The following ZNF763 variants were observed in gnomAD, a reference collection of about 807,000 sequenced individuals.
ZNF763 encodes the protein DNA-binding protein.
Under a neutral mutation model 38.0 loss-of-function variants are expected in ZNF763, and 33 were observed. The observed-to-expected ratio is 0.87, with a 90% CI of 0.66 to 1.16. The LOEUF (loss-of-function observed/expected upper bound fraction) is 1.16, where lower values mean the gene tolerates loss of function less well. Among genes scored for constraint, ZNF763 ranks in the 50% most tolerant of loss-of-function variants. ZNF763 has a pLI of 0.00. For synonymous variants in ZNF763, 155 were observed against 160.1 expected (o/e 0.97, Z 0.24); for missense variants, 423 against 469.1 (o/e 0.90, Z 0.91).
At chr19:11,968,565 G>C (rs1328914506) in intron 1 of ZNF763, among the ~76,000 whole-genome samples, 1 of 152,176 alleles carries the variant, frequency 6.6e-6, no homozygotes, top group Non-Finnish European at 1.5e-5. Flanking sequence ...GTAGTGGTTT[G>C]CTTTTTTCCC....
In ZNF763 at chr19:11,977,375, A is replaced by T; in HGVS notation, c.135A>T (p.Lys45Asn). The T allele has an allele frequency of 6.2e-7, 1 of 1,613,850 alleles. No individual in the cohort carries two copies. Among genetic ancestry groups the T allele is most frequent in the Non-Finnish European group, 8.5e-7 (1 of 1,179,888 alleles). ...TTTTCTGTGTCTGTATTTTAGGGAA[A>T]AAGTGGAAAGACCAGAACATTGAAT... ...ETFRNLTSIGKKWKDQNIEYE... is the reference protein window; with the variant it reads ...ETFRNLTSIGNKWKDQNIEYE... Residue 45 changes from lysine (K) to asparagine (N), a missense_variant, in exon 3 of 4, where the codon AAA becomes AAT. Lys to Asn is a moderately conservative substitution (Grantham distance 94, BLOSUM62 0). Coordinates refer to ENST00000358987, the MANE Select transcript of ZNF763 (RefSeq NM_001367172.2).
rs1317797863 is a variant in ZNF763 at position 11,965,060 on chromosome 19, G to C, written c.-149G>C. 1 of 975,276 alleles carries C rather than the reference G, an allele frequency of 1.0e-6. No individual in the cohort carries two copies. The highest frequency in any genetic ancestry group is 1.6e-6 in the Non-Finnish European group (1 of 633,978). The allele number at this position is 975,276 out of a possible 1,614,324, so 60.4% of individuals were successfully genotyped here. On this transcript the variant is annotated 5_prime_UTR_variant, in exon 1 of 4. Coordinates refer to ENST00000358987, the MANE Select transcript of ZNF763 (RefSeq NM_001367172.2). ...CATTCCTGTCCTCACCTTTGTCCTT[G>C]CGCAGCCGGTGGTTGATATCCGCTG...
intron 1 of ZNF763, among the ~76,000 whole-genome samples, chr19:11,965,730 T>C (rs552904569): frequency 1.3e-5 from 2 of 152,206 alleles, no homozygotes; most frequent in Non-Finnish European, 2.9e-5. Context: ...AAATAAAGTT[T>C]ATTCGTAGCC....
chr19:11,978,219 G>A lies in ZNF763; in HGVS notation c.295G>A (p.Ala99Thr). The A allele has an allele frequency of 1.2e-6, 2 of 1,614,030 alleles. No homozygotes were observed. Among genetic ancestry groups the A allele is most frequent in the African/African-American group, 1.3e-5 (1 of 75,034 alleles). The change falls in exon 4 of 4, where the codon GCT becomes ACT. Residue 99 changes from alanine to threonine, a missense_variant. Physicochemically the swap from Ala to Thr is moderately conservative, Grantham distance 58. Transcript: ENST00000358987. Reference sequence around the variant, plus strand: ...CAGGCTGAACTTCCAGGAGAAGAAAGCTTCTCCTGAAGCAAAATCATGTGA... The same window carrying A: ...CAGGCTGAACTTCCAGGAGAAGAAAACTTCTCCTGAAGCAAAATCATGTGA... ...DDRLNFQEKKASPEAKSCDNF... is the reference protein window; with the variant it reads ...DDRLNFQEKKTSPEAKSCDNF...
At position 11,978,744 on chromosome 19, in the gene ZNF763, C is replaced by T. The variant is rs768536345; in HGVS notation, c.820C>T (p.His274Tyr). ...CCATAGTTCCAGTTCTTTTCAAGCA[C>T]ATAAAAGAACCCACACTGGGGGAAA... ...AFHSSSSFQA[H>Y]KRTHTGGKPY... The change falls in exon 4 of 4, where the codon CAT becomes TAT. Residue 274 changes from histidine (H) to tyrosine (Y), a missense_variant. Coordinates refer to ENST00000358987, the MANE Select transcript of ZNF763 (RefSeq NM_001367172.2). 1.2e-6 allele frequency: 2 copies of T among 1,613,906 alleles called. No individual in the cohort carries two copies. The highest frequency in any genetic ancestry group is 2.2e-5 in the East Asian group (1 of 44,872).
chr19:11,969,867 G>A (rs1394494824), intron 1 of ZNF763, among the ~76,000 whole-genome samples: 2 of 152,126 alleles, frequency 1.3e-5, no homozygotes, highest in Non-Finnish European at 2.9e-5. Flanking sequence ...TTTGGGATGA[G>A]GTTCCTTTCT....
rs746317270 is a variant in ZNF763 at position 11,978,418 on chromosome 19, A to G, written c.494A>G (p.Asn165Ser). The change falls in exon 4 of 4, where the codon AAT (asparagine) becomes AGT (serine). Residue 165 changes from asparagine (N) to serine (S), a missense_variant. Asn to Ser is a conservative substitution (Grantham distance 46, BLOSUM62 1). Coordinates refer to ENST00000358987, the MANE Select transcript of ZNF763 (RefSeq NM_001367172.2). The part of the protein sequence containing the change: ...YHPSFRTQER[N>S]HTGEKPYACK... Reference sequence around the variant, plus strand: ...CCCTCCTTTAGAACACAAGAAAGGAATCACACCGGAGAGAAACCCTATGCT... The same window carrying G: ...CCCTCCTTTAGAACACAAGAAAGGAGTCACACCGGAGAGAAACCCTATGCT... 62 of 1,614,110 alleles carry G rather than the reference A, an allele frequency of 3.8e-5. No homozygotes were observed. The highest frequency in any genetic ancestry group is 5.0e-5 in the Non-Finnish European group (59 of 1,180,034).
chr19:11,965,947 A>C (rs996088857), intron 1 of ZNF763, among the ~76,000 whole-genome samples: 1 of 152,112 alleles, frequency 6.6e-6, no homozygotes, highest in Non-Finnish European at 1.5e-5. Flanking sequence ...CAGGTGGTTG[A>C]GGGATTCTGT....
At chr19:11,974,151 TTTCTTTCCTTCC>T (rs1973430411) in intron 1 of ZNF763, among the ~76,000 whole-genome samples, 4 of 120,260 alleles carry the variant, frequency 3.3e-5, no homozygotes, top group Admixed American at 8.3e-5. Flanking sequence ...TCTTTCTTTC[TTTCTTTCCTTCC>T]TTCCTTCCTT....
chr19:11,975,109 TC>T (rs942484308), intron 1 of ZNF763, among the ~76,000 whole-genome samples: 18 of 152,046 alleles, frequency 1.2e-4, no homozygotes, highest in African/African-American at 3.6e-4. Flanking sequence ...TTTTTTTTTT[TC>T]TCGTTGAGAC....
chr19:11,977,223 G>C, intron 2 of ZNF763, 59 bp downstream of exon 2: 6 of 1,603,236 alleles, frequency 3.7e-6, no homozygotes, highest in Non-Finnish European at 8.5e-7. Flanking sequence ...TCTAGCTCAT[G>C]AATGCTGTTG....
intron 1 of ZNF763, among the ~76,000 whole-genome samples, chr19:11,969,166 G>C (rs1005699767): frequency 6.6e-6 from 1 of 152,182 alleles, no homozygotes; most frequent in East Asian, 1.9e-4. Flanking sequence ...GTGCAGCGGC[G>C]TGATCTCAGC....
At chr19:11,972,521 G>C (rs1973373261) in intron 1 of ZNF763, among the ~76,000 whole-genome samples, 1 of 152,060 alleles carries the variant, frequency 6.6e-6, no homozygotes, top group Admixed American at 6.6e-5. Context: ...TTGGGAATAA[G>C]ATAATTGCCT....
intron 1 of ZNF763, among the ~76,000 whole-genome samples, chr19:11,969,279 A>G (rs1265438778): frequency 1.3e-5 from 2 of 151,926 alleles, no homozygotes; most frequent in African/African-American, 4.8e-5. Flanking sequence ...TAATTTTTCT[A>G]TTTTTAGTAA....
intron 1 of ZNF763, among the ~76,000 whole-genome samples, chr19:11,971,158 A>G (rs1348599303): frequency 6.6e-6 from 1 of 152,152 alleles, no homozygotes; most frequent in Admixed American, 6.6e-5. Context: ...TTTGTTTCTG[A>G]CAGTTCTTGA....
At chr19:11,974,847 C>T (rs2145338517) in intron 1 of ZNF763, among the ~76,000 whole-genome samples, 1 of 152,328 alleles carries the variant, frequency 6.6e-6, no homozygotes, top group South Asian at 2.1e-4. Context: ...AAGTGATACG[C>T]CTGCCTTGGC....
intron 1 of ZNF763, 73 bp downstream of exon 1, chr19:11,965,284 G>A: frequency 6.2e-7 from 1 of 1,604,982 alleles, no homozygotes; most frequent in South Asian, 1.1e-5. Context: ...GGCTGCGGCG[G>A]GACCCGGGCC....
intron 1 of ZNF763, among the ~76,000 whole-genome samples, chr19:11,971,936 C>T (rs1440649703): frequency 6.6e-6 from 1 of 151,940 alleles, no homozygotes; most frequent in Non-Finnish European, 1.5e-5. Context: ...GTGGCAGAGG[C>T]CTGTAATCCC....
Position 11,978,418 on chromosome 19 carries a change from A to T in ZNF763, c.494A>T (p.Asn165Ile). ...CCCTCCTTTAGAACACAAGAAAGGAATCACACCGGAGAGAAACCCTATGCT... is the reference window on the plus strand; with the variant it reads ...CCCTCCTTTAGAACACAAGAAAGGATTCACACCGGAGAGAAACCCTATGCT... ...YHPSFRTQER[N>I]HTGEKPYACK... The change falls in exon 4 of 4, where the codon AAT becomes ATT. Residue 165 changes from asparagine (N) to isoleucine (I), a missense_variant. Physicochemically the swap from Asn to Ile is moderately radical, Grantham distance 149. Coordinates refer to ENST00000358987, the MANE Select transcript of ZNF763 (RefSeq NM_001367172.2). 6.2e-7 allele frequency: 1 copy of T among 1,614,228 alleles called. No individual in the cohort carries two copies. The highest frequency in any genetic ancestry group is 1.1e-5 in the South Asian group (1 of 91,086).
Sources: allele counts gnomAD v4.1 joint callset (sites outside exome capture counted in the v4.1 genomes callset), GRCh38; gene constraint gnomAD v4.1.1; transcripts MANE v1.5; gene names NCBI Gene and HGNC (gene_info 2026-07-23, HGNC 2026-07-21).